The following GRAMD1B variants were observed in gnomAD, a reference collection of about 807,000 sequenced individuals.
The protein encoded by GRAMD1B is protein Aster-B.
Under a neutral mutation model 99.7 loss-of-function variants are expected in GRAMD1B, and 37 were observed. That is an observed-to-expected ratio of 0.37 (90% confidence interval 0.29 to 0.49). The LOEUF is 0.49. GRAMD1B is among the 20% of genes least tolerant of loss of function. The pLI is 0.98. For synonymous variants in GRAMD1B, 427 were observed against 387.6 expected (o/e 1.10, Z -1.19); for missense variants, 888 against 1,009.2 (o/e 0.88, Z 1.63).
intron 2 of GRAMD1B, among the ~76,000 whole-genome samples, chr11:123,544,243 A>C (rs1345523858): frequency 6.6e-6 from 1 of 152,156 alleles, no homozygotes; most frequent in African/African-American, 2.4e-5. Context: ...ATATTTATTT[A>C]CTGCTCAATG....
intron 2 of GRAMD1B, among the ~76,000 whole-genome samples, chr11:123,497,981 C>G (rs947184426): frequency 5.3e-5 from 8 of 152,102 alleles, no homozygotes; most frequent in African/African-American, 1.7e-4. Context: ...TTCCCTCCCC[C>G]TTCCCGGCCA....
chr11:123,550,419 A>G (rs551298149), intron 2 of GRAMD1B, among the ~76,000 whole-genome samples: 7 of 152,222 alleles, frequency 4.6e-5, no homozygotes, highest in African/African-American at 1.7e-4. Context: ...ACACTGACAC[A>G]TACTCTCTCA....
In GRAMD1B at chr11:123,625,974, G is replaced by GAGAGAGAGAGAA. The variant is rs1396157675; in HGVS notation, c.*3386_*3387insGAGAAAGAGAGA. The GAGAGAGAGAGAA allele has an allele frequency of 3.7e-5, 3 of 80,572 alleles. No individual in the cohort carries two copies. Among genetic ancestry groups the GAGAGAGAGAGAA allele is most frequent in the South Asian group, 1.0e-3 (2 of 1,952 alleles). The allele number at this position is 80,572 out of a possible 1,614,324, so 5.0% of individuals were successfully genotyped here. ...AGAGAGAGAGAGAGAGAGAGAGAGAGAGAGAGATCGAGCTTGATGTATTGC... is the reference window on the plus strand; with the variant it reads ...AGAGAGAGAGAGAGAGAGAGAGAGAGAGAGAGAGAGAAAGAGAGATCGAGCTTGATGTATTGC... On this transcript the variant is annotated 3_prime_UTR_variant, in exon 20 of 20. Transcript: ENST00000635736.
chr11:123,505,266 A>G (rs1353136952), intron 2 of GRAMD1B, among the ~76,000 whole-genome samples: 1 of 151,990 alleles, frequency 6.6e-6, no homozygotes, highest in Non-Finnish European at 1.5e-5. Flanking sequence ...TCCTGGCCTC[A>G]AGTGACTCTT....
At chr11:123,538,479 A>C (rs924165659) in intron 2 of GRAMD1B, among the ~76,000 whole-genome samples, 4 of 152,150 alleles carry the variant, frequency 2.6e-5, no homozygotes, top group African/African-American at 9.7e-5. Context: ...CTATTACCAC[A>C]GTCAACTTTA....
chr11:123,470,126 A>G (rs1353974333), intron 1 of GRAMD1B, among the ~76,000 whole-genome samples: 1 of 152,192 alleles, frequency 6.6e-6, no homozygotes, highest in Non-Finnish European at 1.5e-5. Flanking sequence ...AGACCAGTCT[A>G]CAGACCAGAG....
intron 1 of GRAMD1B, among the ~76,000 whole-genome samples, chr11:123,387,618 A>G (rs1296194979): frequency 1.3e-5 from 2 of 152,026 alleles, no homozygotes; most frequent in Admixed American, 1.3e-4. Context: ...AAGTTCCTTT[A>G]CTACTTGGAT....
chr11:123,603,512 G>A lies in GRAMD1B; in HGVS notation c.1137G>A (p.Val379=), dbSNP rs746761242. The change falls in exon 9 of 20, where the codon GTG becomes GTA. Residue 379 remains valine, a synonymous_variant. Coordinates refer to ENST00000635736, the MANE Select transcript of GRAMD1B (RefSeq NM_001387025.1). ...LGLTSDDEDY[V]PPDDDFNTMG... ...TGACCAGTGATGACGAGGACTACGT[G>A]CCCCCTGACGACGACTTCAACACAA... is the stretch of plus-strand genomic sequence containing the variant. 13 of 1,612,808 alleles carry A rather than the reference G, an allele frequency of 8.1e-6. No individual in the cohort carries two copies. The highest frequency in any genetic ancestry group is 1.1e-5 in the Non-Finnish European group (13 of 1,178,910).
At chr11:123,475,131 G>T (rs1268045522) in intron 1 of GRAMD1B, among the ~76,000 whole-genome samples, 1 of 152,176 alleles carries the variant, frequency 6.6e-6, no homozygotes, top group Non-Finnish European at 1.5e-5. Context: ...CTGGTGGTTC[G>T]TGGGTTTAGT....
Position 123,435,612 on chromosome 11 carries a change from C to T in GRAMD1B, c.374+4446C>T, listed in dbSNP as rs146457663. The T allele has an allele frequency of 6.7e-5, 40 of 595,844 alleles. No individual in the cohort carries two copies. The East Asian group carries it at 7.2e-4, about 11-fold the overall frequency. 36.9% of individuals were successfully genotyped at this position (595,844 alleles called of 1,614,324 possible). On this transcript the variant is annotated intron_variant, in intron 1 of 19. Coordinates refer to ENST00000635736, the MANE Select transcript of GRAMD1B (RefSeq NM_001387025.1). ...AGACCAATCATGTTCATCTTTGTAT[C>T]GTCACAGCACTGTACCTGACCTCTT...
chr11:123,391,757 A>G (rs944107989), intron 1 of GRAMD1B, among the ~76,000 whole-genome samples: 2 of 152,112 alleles, frequency 1.3e-5, no homozygotes, highest in South Asian at 2.1e-4. Context: ...CACCCGGCCA[A>G]TTTTACTTAA....
intron 1 of GRAMD1B, among the ~76,000 whole-genome samples, chr11:123,473,692 A>G (rs1014996263): frequency 3.3e-5 from 5 of 152,210 alleles, no homozygotes; most frequent in African/African-American, 9.6e-5. Flanking sequence ...GCAGGTTCCC[A>G]TGGGAGCTAT....
At chr11:123,471,982 C>G (rs1391819387) in intron 1 of GRAMD1B, among the ~76,000 whole-genome samples, 1 of 152,072 alleles carries the variant, frequency 6.6e-6, no homozygotes, top group African/African-American at 2.4e-5. Flanking sequence ...GAGAGGAAAA[C>G]TAACGCTGGG....
intron 1 of GRAMD1B, among the ~76,000 whole-genome samples, chr11:123,408,436 C>T (rs760766700): frequency 5.3e-5 from 8 of 152,128 alleles, no homozygotes; most frequent in Non-Finnish European, 7.3e-5. Flanking sequence ...TATGTTAAAA[C>T]GAGTACTGGA....
chr11:123,447,551 A>C (rs895956167), intron 1 of GRAMD1B, among the ~76,000 whole-genome samples: 2 of 152,182 alleles, frequency 1.3e-5, no homozygotes, highest in African/African-American at 4.8e-5. Context: ...TCCTAGAGAC[A>C]GGCTGAGGCA....
intron 8 of GRAMD1B, among the ~76,000 whole-genome samples, chr11:123,601,916 T>C (rs1044459682): frequency 6.6e-6 from 1 of 152,198 alleles, no homozygotes; most frequent in Admixed American, 6.5e-5. Context: ...CTGATCGTGG[T>C]TGGCCAAGCC....
chr11:123,607,490 C>T (rs1316498827), intron 11 of GRAMD1B, among the ~76,000 whole-genome samples: 1 of 152,216 alleles, frequency 6.6e-6, no homozygotes, highest in African/African-American at 2.4e-5. Context: ...GATCTGTGGA[C>T]ACCTCTCCCA....
chr11:123,595,764 G>T (rs891975202), intron 6 of GRAMD1B, among the ~76,000 whole-genome samples, 178 bp from the exon 7 acceptor site: 1 of 152,130 alleles, frequency 6.6e-6, no homozygotes, highest in African/African-American at 2.4e-5. Flanking sequence ...CCACTTTGCT[G>T]TCTGCCCACT....
chr11:123,409,049 C>A (rs1037495662), intron 1 of GRAMD1B, among the ~76,000 whole-genome samples: 2 of 152,084 alleles, frequency 1.3e-5, no homozygotes, highest in Non-Finnish European at 2.9e-5. Flanking sequence ...TTACCAAGAA[C>A]AATAGGAAAA....
Sources: gnomAD v4.1 joint callset for allele counts (sites outside exome capture counted in the v4.1 genomes callset) on GRCh38, gnomAD v4.1.1 for gene constraint, MANE v1.5 for transcripts, NCBI Gene and HGNC (gene_info 2026-07-23, HGNC 2026-07-21) for gene names.